Variants in MEIS2 observed in about 807,000 individuals in gnomAD.
The protein encoded by MEIS2 is Meis homeobox 2, also known as homeobox protein Meis2.
Under a neutral mutation model 58.6 loss-of-function variants are expected in MEIS2, and 9 were observed. The ratio of observed to expected loss-of-function variants is 0.15; its 90% CI spans 0.09 to 0.27. The LOEUF is 0.27. MEIS2 is among the 10% of genes least tolerant of loss of function. The probability of loss-of-function intolerance (pLI) is 1.00; values close to 1 mark genes in which losing one functional copy is unlikely to be tolerated. For synonymous variants in MEIS2, 221 were observed against 228.4 expected, an observed-to-expected ratio of 0.97 and a Z score of 0.29; for missense variants, 427 against 635.0, an observed-to-expected ratio of 0.67 and a Z score of 3.52.
At chr15:36,906,518 T>C (rs1465373846) in intron 9 of MEIS2, among the ~76,000 whole-genome samples, 1 of 151,910 alleles carries the variant, frequency 6.6e-6, no homozygotes, top group Non-Finnish European at 1.5e-5. Context: ...TTACGGTGTA[T>C]AGTTGATGAA....
chr15:36,970,335 C>T (rs1027204120), intron 8 of MEIS2, among the ~76,000 whole-genome samples: 3 of 150,622 alleles, frequency 2.0e-5, no homozygotes, highest in Non-Finnish European at 4.4e-5. Flanking sequence ...ACCCGGGAGG[C>T]GGAGCTTGCA....
intron 8 of MEIS2, among the ~76,000 whole-genome samples, chr15:36,978,435 A>G (rs530063861): frequency 1.9e-4 from 29 of 152,220 alleles, no homozygotes; most frequent in Non-Finnish European, 3.5e-4. Flanking sequence ...TTATCGCTGT[A>G]CCACACTGGT....
At chr15:37,084,569 C>T (rs1648295414) in intron 6 of MEIS2, among the ~76,000 whole-genome samples, 1 of 152,090 alleles carries the variant, frequency 6.6e-6, no homozygotes, top group African/African-American at 2.4e-5. Flanking sequence ...TACTGTCCAT[C>T]TAGTAAGCTA....
chr15:36,935,961 C>T (rs776633551), intron 9 of MEIS2, among the ~76,000 whole-genome samples: 28 of 152,112 alleles, frequency 1.8e-4, no homozygotes, highest in Non-Finnish European at 3.4e-4. Context: ...ATGAATTCCC[C>T]ATTACCTGCA....
chr15:37,078,956 AC>A (rs1243380687), intron 7 of MEIS2, among the ~76,000 whole-genome samples: 2 of 151,978 alleles, frequency 1.3e-5, no homozygotes, highest in South Asian at 2.1e-4. Context: ...AATTATAGAA[AC>A]CTTTTAAGCA....
intron 8 of MEIS2, 80 bp from the exon 9 acceptor site, chr15:36,950,480 T>C: frequency 2.3e-6 from 3 of 1,328,188 alleles, no homozygotes; most frequent in Non-Finnish European, 3.2e-6. Flanking sequence ...AAACCACCGT[T>C]GGTGATTTCT....
intron 8 of MEIS2, among the ~76,000 whole-genome samples, chr15:37,034,233 A>G (rs1447547473): frequency 1.3e-5 from 2 of 152,224 alleles, no homozygotes; most frequent in Non-Finnish European, 1.5e-5. Flanking sequence ...GAGCTTATCC[A>G]TCCTGCAACG....
chr15:36,959,269 T>A (rs1047894803), intron 8 of MEIS2, among the ~76,000 whole-genome samples: 2 of 152,120 alleles, frequency 1.3e-5, no homozygotes, highest in Admixed American at 6.5e-5. Context: ...AATATCCAGA[T>A]TTTTTTCCTG....
intron 8 of MEIS2, among the ~76,000 whole-genome samples, chr15:36,959,207 C>T (rs2059097430): frequency 6.6e-6 from 1 of 152,190 alleles, no homozygotes; most frequent in Admixed American, 6.5e-5. Context: ...CACATGATCT[C>T]AGAGAACACT....
chr15:37,033,963 G>T (rs1473632209), intron 8 of MEIS2, among the ~76,000 whole-genome samples: 1 of 152,116 alleles, frequency 6.6e-6, no homozygotes, highest in Non-Finnish European at 1.5e-5. Flanking sequence ...AAGCAGAGGA[G>T]AATTTCCTAA....
chr15:36,996,892 A>G (rs976724346), intron 8 of MEIS2, among the ~76,000 whole-genome samples: 1 of 152,198 alleles, frequency 6.6e-6, no homozygotes, highest in African/African-American at 2.4e-5. Context: ...ACATACTTGC[A>G]TTCAGGCCTC....
At chr15:37,016,822 C>A (rs2061365164) in intron 8 of MEIS2, among the ~76,000 whole-genome samples, 1 of 152,168 alleles carries the variant, frequency 6.6e-6, no homozygotes, top group South Asian at 2.1e-4. Context: ...TTTCCACCCC[C>A]TCAATGAAAC....
intron 8 of MEIS2, among the ~76,000 whole-genome samples, chr15:37,016,381 T>C (rs1262272698): frequency 6.6e-6 from 1 of 151,916 alleles, no homozygotes; most frequent in Non-Finnish European, 1.5e-5. Context: ...GTGAGTCGAA[T>C]ATCAAAGGCT....
At chr15:36,964,976 T>C (rs2059308691) in intron 8 of MEIS2, among the ~76,000 whole-genome samples, 1 of 152,184 alleles carries the variant, frequency 6.6e-6, no homozygotes, top group South Asian at 2.1e-4. Flanking sequence ...AAGTTCTAAG[T>C]GCACATGGCT....
intron 7 of MEIS2, among the ~76,000 whole-genome samples, chr15:37,039,163 AAGTC>A (rs1467104054): frequency 1.3e-5 from 2 of 152,186 alleles, no homozygotes; most frequent in African/African-American, 4.8e-5. Flanking sequence ...TGCAAGTTTG[AAGTC>A]AGTCAGTCTG....
chr15:37,048,186 A>T (rs1206347192), intron 7 of MEIS2, among the ~76,000 whole-genome samples: 1 of 152,176 alleles, frequency 6.6e-6, no homozygotes, highest in Non-Finnish European at 1.5e-5. Context: ...CTAAAACTAG[A>T]ATATAATTAG....
At chr15:37,095,783 C>G in intron 3 of MEIS2, 169 bp from the exon 4 acceptor site, 1 of 925,728 alleles carries the variant, frequency 1.1e-6, no homozygotes, top group Non-Finnish European at 1.6e-6. Context: ...GAAGAAGAAT[C>G]AGGGCATTCT....
intron 6 of MEIS2, among the ~76,000 whole-genome samples, chr15:37,086,755 G>A (rs1030865141): frequency 3.3e-5 from 5 of 152,318 alleles, no homozygotes; most frequent in Admixed American, 6.5e-5. Flanking sequence ...TTTCAAGGCT[G>A]AGGAGTTACC....
intron 8 of MEIS2, among the ~76,000 whole-genome samples, chr15:36,989,601 C>T (rs960287061): frequency 2.0e-5 from 3 of 152,148 alleles, no homozygotes; most frequent in Non-Finnish European, 4.4e-5. Context: ...AAAACTCTTC[C>T]CTGAGATCTT....
Sources: allele counts gnomAD v4.1 joint callset (sites outside exome capture counted in the v4.1 genomes callset), GRCh38; gene constraint gnomAD v4.1.1; transcripts MANE v1.5; gene names NCBI Gene and HGNC (gene_info 2026-07-23, HGNC 2026-07-21).